The following CENPF variants were observed in gnomAD, a reference collection of about 807,000 sequenced individuals.
CENPF encodes the protein centromere protein F, also known as AH antigen.
In CENPF, 214 loss-of-function variants were observed where a neutral mutation model predicts 307.3. The ratio of observed to expected loss-of-function variants is 0.70; its 90% CI spans 0.62 to 0.78. CENPF has a LOEUF of 0.78. Among genes scored for constraint, CENPF ranks in the 30% least tolerant of loss-of-function variants. The pLI is 0.00. For synonymous variants in CENPF, 1,259 were observed against 1,270.6 expected (o/e 0.99, Z 0.19); for missense variants, 3,401 against 3,483.9 (o/e 0.98, Z 0.60).
intron 14 of CENPF, among the ~76,000 whole-genome samples, chr1:214,649,109 A>ATGTGGTCCACAT (rs1301885129): frequency 6.6e-6 from 1 of 152,212 alleles, no homozygotes; most frequent in Admixed American, 6.5e-5. Flanking sequence ...ACATTAACGC[A>ATGTGGTCCACAT]CAACAGAAGT....
chr1:214,631,097 G>A (rs1657796234), intron 9 of CENPF, among the ~76,000 whole-genome samples: 1 of 152,190 alleles, frequency 6.6e-6, no homozygotes, highest in African/African-American at 2.4e-5. Flanking sequence ...TAGACTTCAG[G>A]TGTGTGGATG....
intron 1 of CENPF, chr1:214,608,608 T>C: frequency 6.2e-7 from 1 of 1,608,160 alleles, no homozygotes; most frequent in Non-Finnish European, 8.5e-7. Flanking sequence ...GCGCTGGCTG[T>C]ACTGGAAGTC....
chr1:214,632,301 G>C (rs575981872), intron 9 of CENPF, among the ~76,000 whole-genome samples, 179 bp from the exon 10 acceptor site: 2 of 152,032 alleles, frequency 1.3e-5, no homozygotes, highest in Non-Finnish European at 2.9e-5. Context: ...GCTGAGTGAC[G>C]TCGCAAGGTC....
At chr1:214,605,895 C>G in intron 1 of CENPF, 2 of 1,597,346 alleles carry the variant, frequency 1.3e-6, no homozygotes, top group Non-Finnish European at 1.7e-6. Context: ...GACACCTTCT[C>G]GATGTTAGGG....
intron 7 of CENPF, among the ~76,000 whole-genome samples, chr1:214,627,369 CTT>C (rs10686407): frequency 1.2e-5 from 1 of 83,966 alleles, no homozygotes; most frequent in East Asian, 3.4e-4. Context: ...CCCTCAGGCT[CTT>C]TTTTTTTTTT....
At chr1:214,618,176 A>G (rs1001655925) in intron 3 of CENPF, among the ~76,000 whole-genome samples, 2 of 152,174 alleles carry the variant, frequency 1.3e-5, no homozygotes, top group Non-Finnish European at 2.9e-5. Context: ...TGCCCCCATG[A>G]TTCAATCACC....
At chr1:214,657,748 G>A (rs1658679738) in intron 18 of CENPF, among the ~76,000 whole-genome samples, 1 of 152,226 alleles carries the variant, frequency 6.6e-6, no homozygotes, top group South Asian at 2.1e-4. Context: ...TAGCAGGTGA[G>A]CTGGAGGGTG....
At chr1:214,603,407 C>A in intron 1 of CENPF, 86 bp downstream of exon 1, 1 of 152,908 alleles carries the variant, frequency 6.5e-6, no homozygotes, top group South Asian at 2.0e-4. Flanking sequence ...GGCTTTTTGC[C>A]GGCGGGTACT....
At chr1:214,620,212 G>A (rs578098943) in intron 5 of CENPF, among the ~76,000 whole-genome samples, 2 of 152,320 alleles carry the variant, frequency 1.3e-5, no homozygotes, top group South Asian at 4.1e-4. Flanking sequence ...TTTTGGGATA[G>A]TGATATGGTG....
rs534757576 is a variant in CENPF at position 214,618,811 on chromosome 1, ACTG to A, written c.481+119_481+121del. ...AAACTTTTAATGTATATGTTTAAAA[ACTG>A]CAGCCACTTGTTACATATCCATTTG... is the stretch of plus-strand genomic sequence containing the variant. On this transcript the variant is annotated intron_variant, in intron 4 of 19. Coordinates refer to ENST00000366955, the MANE Select transcript of CENPF (RefSeq NM_016343.4). 225 of 999,478 alleles carry A rather than the reference ACTG, an allele frequency of 2.3e-4. 1 individual carries two copies. Among genetic ancestry groups the A allele is most frequent in the South Asian group, 2.2e-3 (121 of 55,878 alleles). The allele number at this position is 999,478 out of a possible 1,614,324, so 61.9% of individuals were successfully genotyped here.
At chr1:214,608,682 C>T in intron 1 of CENPF, 18 of 1,597,004 alleles carry the variant, frequency 1.1e-5, no homozygotes, top group Non-Finnish European at 1.5e-5. Flanking sequence ...GCAGGGTCCC[C>T]AAGGGGGCGG....
At chr1:214,605,374 T>C (rs187461707) in intron 1 of CENPF, 2 of 362,340 alleles carry the variant, frequency 5.5e-6, no homozygotes, top group East Asian at 1.1e-4. Flanking sequence ...AAACAAGGCA[T>C]AGAGCAGCTA....
At chr1:214,653,188 G>A (rs1193376462) in intron 16 of CENPF, 199 bp downstream of exon 16, 1 of 563,202 alleles carries the variant, frequency 1.8e-6, no homozygotes, top group Non-Finnish European at 3.3e-6. Flanking sequence ...GCTTGAATAA[G>A]CTATCCATTG....
chr1:214,653,812 A>G (rs1658555453), intron 16 of CENPF: 3 of 152,224 alleles, frequency 2.0e-5, no homozygotes, highest in Admixed American at 2.0e-4. Context: ...CAAAATCACA[A>G]TAATTAATAA....
rs1189685423 is a variant in CENPF, at chr1:214,648,777, A to G, written c.7933A>G (p.Arg2645Gly). The G allele has an allele frequency of 6.2e-7, 1 of 1,614,090 alleles. No individual in the cohort carries two copies. Among genetic ancestry groups the G allele is most frequent in the South Asian group, 1.1e-5 (1 of 91,080 alleles). ...AGAAGAACTCAGTGGAGAGAAAAAT[A>G]GGCTAGCTGGAGAGTTGCAGTTACT... ...LQEELSGEKNRLAGELQLLLE... is the reference protein window; with the variant it reads ...LQEELSGEKNGLAGELQLLLE... Residue 2645 changes from arginine to glycine, a missense_variant, in exon 14 of 20, where the codon AGG becomes GGG. Arg to Gly is a moderately radical substitution (Grantham distance 125). Coordinates refer to ENST00000366955, the MANE Select transcript of CENPF (RefSeq NM_016343.4).
intron 3 of CENPF, 85 bp downstream of exon 3, chr1:214,615,113 A>G (rs1006239456): frequency 1.0e-6 from 1 of 977,050 alleles, no homozygotes; most frequent in Non-Finnish European, 1.4e-6. Context: ...CAATATAATT[A>G]TTATACTTTG....
intron 14 of CENPF, among the ~76,000 whole-genome samples, chr1:214,649,933 T>C (rs1413369549): frequency 1.3e-5 from 2 of 152,260 alleles, no homozygotes; most frequent in African/African-American, 2.4e-5. Context: ...GGATAGACTA[T>C]TGAACCATAC....
intron 14 of CENPF, among the ~76,000 whole-genome samples, chr1:214,650,788 G>A (rs1405100382): frequency 6.6e-6 from 1 of 152,070 alleles, no homozygotes; most frequent in Non-Finnish European, 1.5e-5. Flanking sequence ...TTGGGAGGCT[G>A]AGGTGGGGGA....
intron 1 of CENPF, among the ~76,000 whole-genome samples, chr1:214,607,334 G>A (rs1458825825): frequency 2.0e-5 from 3 of 152,336 alleles, no homozygotes; most frequent in East Asian, 1.9e-4. Context: ...ACAGATGGCC[G>A]AGCAGACAGA....
Sources: gnomAD v4.1 joint callset for allele counts (sites outside exome capture counted in the v4.1 genomes callset) on GRCh38, gnomAD v4.1.1 for gene constraint, MANE v1.5 for transcripts, NCBI Gene and HGNC (gene_info 2026-07-23, HGNC 2026-07-21) for gene names.